Variants in DTNB observed in about 807,000 individuals in gnomAD.
DTNB encodes dystrobrevin beta.
In DTNB, 63 loss-of-function variants were observed where a neutral mutation model predicts 90.7. The ratio of observed to expected loss-of-function variants is 0.69; its 90% confidence interval spans 0.57 to 0.86. The LOEUF (loss-of-function observed/expected upper bound fraction) is 0.86, where lower values mean the gene tolerates loss of function less well. Ranked by LOEUF, DTNB falls within the 40% of genes least tolerant of loss-of-function variation. DTNB has a pLI of 0.00. For missense variants in DTNB, 744 were observed against 807.1 expected (o/e 0.92, Z 0.95); for synonymous variants, 277 against 286.7 (o/e 0.97, Z 0.34).
intron 6 of DTNB, among the ~76,000 whole-genome samples, chr2:25,592,764 T>G (rs1325516092): frequency 6.6e-6 from 1 of 152,156 alleles, no homozygotes; most frequent in Non-Finnish European, 1.5e-5. Context: ...GACTTAAAAA[T>G]CATAAGGTAT....
At chr2:25,430,776 A>T (rs1389481957) in intron 14 of DTNB, among the ~76,000 whole-genome samples, 1 of 152,212 alleles carries the variant, frequency 6.6e-6, no homozygotes, top group Non-Finnish European at 1.5e-5. Context: ...TGTTTTAGTC[A>T]TATTATGAGT....
intron 2 of DTNB, among the ~76,000 whole-genome samples, chr2:25,647,874 A>C (rs1290552125): frequency 1.3e-5 from 2 of 152,162 alleles, no homozygotes; most frequent in Non-Finnish European, 2.9e-5. Flanking sequence ...TTAAATGCTT[A>C]CATAAGAAAA....
At position 25,433,980 on chromosome 2, in the gene DTNB, C is replaced by T. The variant is rs1430434835; in HGVS notation, c.1273G>A (p.Asp425Asn). 1.2e-6 allele frequency: 2 copies of T among 1,612,824 alleles called. No individual in the cohort carries two copies. The highest frequency in any genetic ancestry group is 1.7e-5 in the Admixed American group (1 of 59,942). ...EAGNVTRPPT[D>N]LSFNFDANKQ... ...TTGGCATCAAAGTTAAAGCTCAAGTCAGTGGGAGGACGAGTCTAAAGTGGG... is the reference window on the plus strand; with the variant it reads ...TTGGCATCAAAGTTAAAGCTCAAGTTAGTGGGAGGACGAGTCTAAAGTGGG... Residue 425 changes from aspartate (D) to asparagine (N), a missense_variant, in exon 13 of 21, where the codon GAC becomes AAC. Physicochemically the swap from Asp to Asn is conservative, Grantham distance 23. Coordinates refer to ENST00000406818, the MANE Select transcript of DTNB (RefSeq NM_021907.5).
chr2:25,457,017 T>C (rs1046052616), intron 10 of DTNB, among the ~76,000 whole-genome samples: 3 of 152,094 alleles, frequency 2.0e-5, no homozygotes, highest in African/African-American at 7.2e-5. Flanking sequence ...TTTTCTTTTT[T>C]TTCTTTTTTT....
At chr2:25,623,100 G>A (rs115678193) in intron 4 of DTNB, among the ~76,000 whole-genome samples, 2,075 of 152,220 alleles carry the variant, frequency 0.014, 30 homozygotes, top group African/African-American at 0.047. Context: ...ATCAGAAAAC[G>A]AGAAAACAAA....
At position 25,482,787 on chromosome 2, in the gene DTNB, C is replaced by T. The variant is rs1213860129; in HGVS notation, c.1079+9G>A. On this transcript the variant is annotated intron_variant, in intron 10 of 20. Transcript: ENST00000406818. ...CAACACCCAAGTCGAAGGCACAAGA[C>T]ATACGTACCTCTTGGTGGGAGTGGG... 1 of 1,613,692 alleles carries T rather than the reference C, an allele frequency of 6.2e-7. No individual in the cohort carries two copies. The highest frequency in any genetic ancestry group is 2.2e-5 in the East Asian group (1 of 44,876).
chr2:25,398,984 G>A (rs544837529), intron 16 of DTNB, among the ~76,000 whole-genome samples: 99 of 152,308 alleles, frequency 6.5e-4, no homozygotes, highest in Non-Finnish European at 8.7e-4. Flanking sequence ...AATGAAAAGT[G>A]GAAAAGAGCA....
intron 12 of DTNB, among the ~76,000 whole-genome samples, chr2:25,450,287 TG>T (rs1361876471): frequency 6.7e-6 from 1 of 149,254 alleles, no homozygotes; most frequent in African/African-American, 2.5e-5. Context: ...CAACAGCATT[TG>T]TTAAAAATAG....
intron 6 of DTNB, among the ~76,000 whole-genome samples, chr2:25,584,677 C>T (rs2062080685): frequency 6.6e-6 from 1 of 152,050 alleles, no homozygotes; most frequent in African/African-American, 2.4e-5. Context: ...CTGCCTCAGC[C>T]TCCTAAGTAT....
At chr2:25,583,357 CG>C (rs2061854866) in intron 6 of DTNB, among the ~76,000 whole-genome samples, 5 of 150,110 alleles carry the variant, frequency 3.3e-5, no homozygotes, top group Admixed American at 2.6e-4. Context: ...TAAAAAGTAG[CG>C]AACAAAATTA....
At chr2:25,642,954 T>C (rs1393600752) in intron 2 of DTNB, among the ~76,000 whole-genome samples, 1 of 152,126 alleles carries the variant, frequency 6.6e-6, no homozygotes, top group Non-Finnish European at 1.5e-5. Context: ...GGTTTCACCA[T>C]GTTGGTCAGG....
intron 8 of DTNB, among the ~76,000 whole-genome samples, chr2:25,562,100 T>A (rs945267455): frequency 1.3e-5 from 2 of 152,240 alleles, no homozygotes; most frequent in African/African-American, 4.8e-5. Context: ...CTAATGTACA[T>A]TCTGTTCATT....
chr2:25,467,775 T>C (rs571321772), intron 10 of DTNB, among the ~76,000 whole-genome samples: 8 of 152,326 alleles, frequency 5.3e-5, no homozygotes, highest in Admixed American at 4.6e-4. Flanking sequence ...CAAGACAAGA[T>C]GAAATGCTTA....
chr2:25,587,133 A>G (rs2062597578), intron 6 of DTNB, among the ~76,000 whole-genome samples: 1 of 152,244 alleles, frequency 6.6e-6, no homozygotes, highest in Non-Finnish European at 1.5e-5. Flanking sequence ...GAAAAGGTAG[A>G]CTGTGGTTCG....
chr2:25,398,463 A>G (rs550874922), intron 16 of DTNB, among the ~76,000 whole-genome samples: 7 of 152,326 alleles, frequency 4.6e-5, no homozygotes, highest in Middle Eastern at 6.8e-3. Context: ...GTGTAGGGTA[A>G]TACCAGTTTG....
rs147653536 is a variant in DTNB, at chr2:25,520,026, C to T, written c.1001+11447G>A. Among the ~76,000 whole-genome samples the T allele has an allele frequency of 4.3e-3, 651 of 152,196 alleles. 4 individuals carry two copies. Among genetic ancestry groups the T allele is most frequent in the African/African-American group, 0.015 (612 of 41,522 alleles). On this transcript the variant is annotated intron_variant, in intron 9 of 20. Transcript: ENST00000406818. ...TATCAATATTATGAATTCTGTAACACCCGATAATTGGAGAATACAATAAAA... is the reference window on the plus strand; with the variant it reads ...TATCAATATTATGAATTCTGTAACATCCGATAATTGGAGAATACAATAAAA...
At chr2:25,607,459 G>T in intron 4 of DTNB, 138 bp from the exon 5 acceptor site, 2 of 807,416 alleles carry the variant, frequency 2.5e-6, no homozygotes, top group Non-Finnish European at 3.7e-6. Flanking sequence ...AGAAACCCTG[G>T]ATTTTTTTTT....
intron 16 of DTNB, among the ~76,000 whole-genome samples, chr2:25,404,543 G>A (rs1165120141): frequency 6.6e-6 from 1 of 152,082 alleles, no homozygotes; most frequent in Non-Finnish European, 1.5e-5. Context: ...ATGAGCAGCT[G>A]CAGAGTTTAT....
At chr2:25,632,363 G>A (rs2075965981) in intron 3 of DTNB, among the ~76,000 whole-genome samples, 1 of 152,060 alleles carries the variant, frequency 6.6e-6, no homozygotes. Context: ...TTTTAGAAAT[G>A]AAGAAATACA....
Sources: gnomAD v4.1 joint callset for allele counts (sites outside exome capture counted in the v4.1 genomes callset) on GRCh38, gnomAD v4.1.1 for gene constraint, MANE v1.5 for transcripts, NCBI Gene and HGNC (gene_info 2026-07-23, HGNC 2026-07-21) for gene names.